The following BAIAP3 variants were observed in gnomAD, a reference collection of about 807,000 sequenced individuals.
BAIAP3 encodes BAI1-associated protein 3.
BAIAP3 carries 180 observed loss-of-function variants against 149.7 expected under a neutral mutation model. That is an observed-to-expected ratio of 1.20 (90% CI 1.07 to 1.36). The LOEUF (loss-of-function observed/expected upper bound fraction) is 1.36, where lower values mean the gene tolerates loss of function less well. Among genes scored for constraint, BAIAP3 ranks in the 40% most tolerant of loss-of-function variants. The probability of loss-of-function intolerance (pLI) is 0.00; values close to 1 mark genes in which losing one functional copy is unlikely to be tolerated. For missense variants in BAIAP3, 1,767 were observed against 1,563.4 expected, an observed-to-expected ratio of 1.13 and a Z score of -2.20; for synonymous variants, 845 against 670.7, an observed-to-expected ratio of 1.26 and a Z score of -4.02.
In BAIAP3 at chr16:1,348,178, G is replaced by A. The variant is rs921366549; in HGVS notation, c.3232G>A (p.Asp1078Asn). The A allele has an allele frequency of 5.0e-6, 8 of 1,609,188 alleles. No individual in the cohort carries two copies. The highest frequency in any genetic ancestry group is 1.7e-4 in the Middle Eastern group (1 of 6,060). The change falls in exon 33 of 34, where the codon GAC (aspartate) becomes AAC (asparagine). Residue 1078 changes from aspartate to asparagine, a missense_variant. Physicochemically the swap from Asp to Asn is conservative, Grantham distance 23. Coordinates refer to ENST00000426824, the MANE Select transcript of BAIAP3 (RefSeq NM_001199097.2). Reference protein sequence around the residue: ...VMDHDWLSTNDFAGEAALGLG... With the variant: ...VMDHDWLSTNNFAGEAALGLG... ...GGACCACGACTGGCTGTCCACCAAC[G>A]ACTTCGCTGGGGAGGCGGCCCTCGG...
At chr16:1,343,186 G>A in intron 14 of BAIAP3, 170 bp downstream of exon 14, 2 of 1,056,408 alleles carry the variant, frequency 1.9e-6, no homozygotes, top group Non-Finnish European at 2.7e-6. Flanking sequence ...AGGGGGCGGT[G>A]CTACGGGTAG....
Position 1,342,264 on chromosome 16 carries a change from G to T in BAIAP3, c.938G>T (p.Cys313Phe). 1.2e-6 allele frequency: 2 copies of T among 1,612,574 alleles called. No individual in the cohort carries two copies. Among genetic ancestry groups the T allele is most frequent in the Non-Finnish European group, 1.7e-6 (2 of 1,179,852 alleles). Residue 313 changes from cysteine (C) to phenylalanine (F), a missense_variant, in exon 11 of 34, where the codon TGC becomes TTC. Physicochemically the swap from Cys to Phe is radical, Grantham distance 205. Transcript: ENST00000426824. ...TEDHTDDFLGCLNIPVREVPV... is the reference protein window; with the variant it reads ...TEDHTDDFLGFLNIPVREVPV... Reference sequence around the variant, plus strand: ...GACCACACCGATGACTTCCTGGGGTGCCTCAACATACCTGTCCGGGTGAGT... The same window carrying T: ...GACCACACCGATGACTTCCTGGGGTTCCTCAACATACCTGTCCGGGTGAGT...
At chr16:1,334,863 C>A in intron 1 of BAIAP3, 2 of 1,109,040 alleles carry the variant, frequency 1.8e-6, no homozygotes, top group Non-Finnish European at 2.6e-6. Flanking sequence ...ACCAAGAGGG[C>A]AGCGTGGAGA....
chr16:1,345,332 A>G lies in BAIAP3; in HGVS notation c.2024A>G (p.Gln675Arg). 1 of 1,613,002 alleles carries G rather than the reference A, an allele frequency of 6.2e-7. No individual in the cohort carries two copies. The highest frequency in any genetic ancestry group is 8.5e-7 in the Non-Finnish European group (1 of 1,179,892). Residue 675 changes from glutamine to arginine, a missense_variant, in exon 22 of 34, where the codon CAG becomes CGG. Gln to Arg is a conservative substitution (Grantham distance 43). Coordinates refer to ENST00000426824, the MANE Select transcript of BAIAP3 (RefSeq NM_001199097.2). ...CTCTGGTTCCAAGTGCTGAGGGACCAGGCCAAGTGGAGGCTTCAGGGAGCC... is the reference window on the plus strand; with the variant it reads ...CTCTGGTTCCAAGTGCTGAGGGACCGGGCCAAGTGGAGGCTTCAGGGAGCC... ...VKLWFQVLRD[Q>R]AKWRLQGAVD...
Position 1,347,383 on chromosome 16 carries a change from C to T in BAIAP3, c.2823+14C>T, listed in dbSNP as rs746198404. ...GGAAGCTACAAGGTGAGGTGGGACC[C>T]TCTGTGGGGCGGGGGTGTGGATGAG... On this transcript the variant is annotated intron_variant, in intron 29 of 33. Coordinates refer to ENST00000426824, the MANE Select transcript of BAIAP3 (RefSeq NM_001199097.2). 1.2e-6 allele frequency: 2 copies of T among 1,612,770 alleles called. No individual in the cohort carries two copies. The highest frequency in any genetic ancestry group is 1.7e-6 in the Non-Finnish European group (2 of 1,179,662).
intron 1 of BAIAP3, chr16:1,336,157 C>G (rs114234083): frequency 2.1e-6 from 2 of 956,956 alleles, no homozygotes; most frequent in African/African-American, 1.8e-5. Context: ...GCACATGCCG[C>G]GGCGGTTGCC....
chr16:1,346,981 C>G lies in BAIAP3; in HGVS notation c.2751+26C>G, dbSNP rs200140358. The G allele has an allele frequency of 8.4e-6, 13 of 1,556,426 alleles. No individual in the cohort carries two copies. The East Asian group carries it at 2.8e-4, about 33-fold the overall frequency. On this transcript the variant is annotated intron_variant, in intron 28 of 33. Coordinates refer to ENST00000426824, the MANE Select transcript of BAIAP3 (RefSeq NM_001199097.2). ...GTAGAGCTCTGTGAAGGAGTCCTCC[C>G]CGCCGGCCCCCGCCTCAGGGCTGCT...
In BAIAP3 at chr16:1,344,095, A is replaced by G. The variant is rs201192036; in HGVS notation, c.1460A>G (p.Tyr487Cys). The G allele has an allele frequency of 6.2e-7, 1 of 1,612,094 alleles. No individual in the cohort carries two copies. Among genetic ancestry groups the G allele is most frequent in the Non-Finnish European group, 8.5e-7 (1 of 1,179,874 alleles). The part of the protein sequence containing the change: ...GLQLLRQLRD[Y>C]FPATNSTAVH... ...CAGCTGCTGCGCCAGCTCCGAGACT[A>G]CTTCCCTGCCACCAACAGCACCGCT... Residue 487 changes from tyrosine to cysteine, a missense_variant, in exon 16 of 34, where the codon TAC (tyrosine) becomes TGC (cysteine). Physicochemically the swap from Tyr to Cys is radical, Grantham distance 194. Coordinates refer to ENST00000426824, the MANE Select transcript of BAIAP3 (RefSeq NM_001199097.2).
chr16:1,337,785 C>T (rs192813507), intron 1 of BAIAP3, among the ~76,000 whole-genome samples: 2 of 152,220 alleles, frequency 1.3e-5, no homozygotes, highest in African/African-American at 2.4e-5. Context: ...CCCCTACACC[C>T]GGCATTTTCC....
chr16:1,336,371 AG>A (rs2141558762), intron 1 of BAIAP3: 1 of 985,318 alleles, frequency 1.0e-6, no homozygotes, highest in South Asian at 4.7e-5. Flanking sequence ...GGAGGCTCAC[AG>A]GGGAAGGCAC....
At chr16:1,334,755 C>A (rs1308387704) in intron 1 of BAIAP3, 10 of 1,551,112 alleles carry the variant, frequency 6.4e-6, no homozygotes, top group East Asian at 2.4e-5. Context: ...CTGGAGGAGT[C>A]GGTGAGACCA....
chr16:1,342,872 G>C, intron 13 of BAIAP3, 41 bp from the exon 14 acceptor site: 1 of 1,612,066 alleles, frequency 6.2e-7, no homozygotes, highest in Non-Finnish European at 8.5e-7. Context: ...AGGGGATGTG[G>C]GGCTGTCCCG....
chr16:1,343,982 C>T lies in BAIAP3; in HGVS notation c.1387-40C>T, dbSNP rs190369301. The T allele has an allele frequency of 5.3e-4, 860 of 1,608,350 alleles. 7 individuals are homozygous for T. The East Asian group carries it at 0.011, about 20-fold the overall frequency. On this transcript the variant is annotated intron_variant, in intron 15 of 33. Transcript: ENST00000426824. ...GAGGATGTTTCTCCTCATCAGTGGC[C>T]GGTCGGGGCTGCTGGCACTGAAGGG...
At chr16:1,337,547 G>GGACCCA (rs144607586) in intron 1 of BAIAP3, among the ~76,000 whole-genome samples, 2,476 of 152,284 alleles carry the variant, frequency 0.016, 59 homozygotes, top group African/African-American at 0.056. Context: ...TCTCCAGCCT[G>GGACCCA]GACTCCATCT....
Position 1,338,650 on chromosome 16 carries a change from C to T in BAIAP3, c.101C>T (p.Ala34Val), listed in dbSNP as rs1357418861. The T allele has an allele frequency of 6.3e-7, 1 of 1,591,864 alleles. No homozygotes were observed. Residue 34 changes from alanine to valine, a missense_variant, in exon 2 of 34, where the codon GCC (alanine) becomes GTC (valine). Transcript: ENST00000426824. ...GAGCAGGACCCAGGGAGTGCCAGCGCCGACCCGCAGGAGCCTGCCACGGGG... is the reference window on the plus strand; with the variant it reads ...GAGCAGGACCCAGGGAGTGCCAGCGTCGACCCGCAGGAGCCTGCCACGGGG... Reference protein sequence around the residue: ...RTEQDPGSASADPQEPATGAW... With the variant: ...RTEQDPGSASVDPQEPATGAW...
rs771030831 is a variant in BAIAP3 at position 1,343,012 on chromosome 16, G to C, written c.1261G>C (p.Val421Leu). Residue 421 changes from valine (V) to leucine (L), a missense_variant, in exon 14 of 34, where the codon GTG becomes CTG. Transcript: ENST00000426824. ...CAACCTGTCACCCTTGCAGCTGGCC[G>C]TGCTGTGAGTGGGTGGAGCTACGAG... ...QSNLSPLQLAVLHWQVSSRHH... is the reference protein window; with the variant it reads ...QSNLSPLQLALLHWQVSSRHH... 2 of 1,607,936 alleles carry C rather than the reference G, an allele frequency of 1.2e-6. No homozygotes were observed. Among genetic ancestry groups the C allele is most frequent in the Admixed American group, 1.7e-5 (1 of 59,962 alleles).
Position 1,348,293 on chromosome 16 carries a change from G to C in BAIAP3, c.3347G>C (p.Arg1116Thr), listed in dbSNP as rs1250675248. Residue 1116 changes from arginine to threonine, a missense_variant, in exon 33 of 34, where the codon AGA (arginine) becomes ACA (threonine). Transcript: ENST00000426824. Reference protein sequence around the residue: ...QPVTLHLCRPRAQVRSALRRL... With the variant: ...QPVTLHLCRPTAQVRSALRRL... ...GTCACCCTGCACCTGTGCCGGCCCA[G>C]AGCCCAGGGTGAGTGAGCATCTGGG... 4 of 1,600,554 alleles carry C rather than the reference G, an allele frequency of 2.5e-6. No homozygotes were observed. The highest frequency in any genetic ancestry group is 3.4e-6 in the Non-Finnish European group (4 of 1,174,048).
chr16:1,338,453 G>GGGGCCCCC, intron 1 of BAIAP3, 87 bp from the exon 2 acceptor site: 1 of 177,274 alleles, frequency 5.6e-6, no homozygotes, highest in Non-Finnish European at 1.2e-5. Context: ...ACCTCTTCCC[G>GGGGCCCCC]CCCCACCCCC....
intron 1 of BAIAP3, among the ~76,000 whole-genome samples, chr16:1,335,214 C>G (rs1431339059): frequency 6.6e-6 from 1 of 152,232 alleles, no homozygotes; most frequent in African/African-American, 2.4e-5. Context: ...AATGTCATTC[C>G]CCATTCAGCC....
Sources: gnomAD v4.1 joint callset for allele counts (sites outside exome capture counted in the v4.1 genomes callset) on GRCh38, gnomAD v4.1.1 for gene constraint, MANE v1.5 for transcripts, NCBI Gene and HGNC (gene_info 2026-07-23, HGNC 2026-07-21) for gene names.